Variants in CAB39 observed in about 807,000 individuals in gnomAD.
The protein encoded by CAB39 is calcium binding protein 39.
Under a neutral mutation model 40.0 loss-of-function variants are expected in CAB39, and 8 were observed. That is an observed-to-expected ratio of 0.20 (90% CI 0.12 to 0.36). The LOEUF (loss-of-function observed/expected upper bound fraction) is 0.36. Ranked by LOEUF, CAB39 falls within the 10% of genes least tolerant of loss-of-function variation. The pLI, the probability that CAB39 is intolerant of heterozygous loss-of-function variation, is 1.00. For synonymous variants in CAB39, 156 were observed against 141.6 expected (o/e 1.10, Z -0.72); for missense variants, 270 against 401.1 (o/e 0.67, Z 2.79).
intron 8 of CAB39, 76 bp downstream of exon 8, chr2:230,817,973 A>C: frequency 7.6e-7 from 1 of 1,321,558 alleles, no homozygotes; most frequent in Non-Finnish European, 1.1e-6. Context: ...AACGGAAATT[A>C]TTAGCCTCAC....
intron 1 of CAB39, among the ~76,000 whole-genome samples, chr2:230,714,562 G>C (rs1694315408): frequency 6.6e-6 from 1 of 152,208 alleles, no homozygotes. Context: ...CTTTGTATTA[G>C]GCGTATGTAC....
intron 4 of CAB39, among the ~76,000 whole-genome samples, chr2:230,798,285 C>A (rs1016006963): frequency 2.0e-5 from 3 of 152,094 alleles, no homozygotes; most frequent in South Asian, 2.1e-4. Flanking sequence ...GGTATAAATT[C>A]TATATGTTTG....
intron 7 of CAB39, among the ~76,000 whole-genome samples, chr2:230,816,712 G>C (rs746238620): frequency 6.6e-6 from 1 of 152,188 alleles, no homozygotes; most frequent in South Asian, 2.1e-4. Context: ...GCAGATACAG[G>C]CCTGATACGT....
intron 6 of CAB39, among the ~76,000 whole-genome samples, chr2:230,812,841 G>C (rs572232980): frequency 1.3e-5 from 2 of 152,336 alleles, no homozygotes; most frequent in East Asian, 3.9e-4. Context: ...TTCTATGAAA[G>C]CAGCTGTAAA....
intron 5 of CAB39, among the ~76,000 whole-genome samples, chr2:230,808,436 C>A (rs1175828071): frequency 6.6e-6 from 1 of 152,166 alleles, no homozygotes; most frequent in East Asian, 1.9e-4. Context: ...ATAAACACAC[C>A]ACAATAGCAT....
chr2:230,730,709 G>A (rs761227061), intron 1 of CAB39, among the ~76,000 whole-genome samples: 3 of 152,152 alleles, frequency 2.0e-5, no homozygotes, highest in Non-Finnish European at 4.4e-5. Flanking sequence ...CTCCCAAAGT[G>A]CTGGGATTAC....
In CAB39 at chr2:230,760,064, G is replaced by C. The variant is rs748185231; in HGVS notation, c.63G>C (p.Glu21Asp). ...CAGACATTGTGAAGAATCTGAAGGA[G>C]AGCATGGCTGTTCTGGAAAAGCAAG... ...SPADIVKNLK[E>D]SMAVLEKQDI... The change falls in exon 2 of 9, where the codon GAG (glutamate) becomes GAC (aspartate). Residue 21 changes from glutamate to aspartate, a missense_variant. By Grantham distance (45) the Glu-to-Asp change is conservative (BLOSUM62 2). Coordinates refer to ENST00000258418, the MANE Select transcript of CAB39 (RefSeq NM_016289.4). 6.2e-7 allele frequency: 1 copy of C among 1,613,886 alleles called. No homozygotes were observed. Among genetic ancestry groups the C allele is most frequent in the Non-Finnish European group, 8.5e-7 (1 of 1,179,760 alleles).
intron 2 of CAB39, among the ~76,000 whole-genome samples, chr2:230,787,054 A>T (rs1398404229): frequency 6.6e-6 from 1 of 152,208 alleles, no homozygotes; most frequent in South Asian, 2.1e-4. Flanking sequence ...AAGCATTTAG[A>T]AAAGAATGTC....
intron 2 of CAB39, among the ~76,000 whole-genome samples, chr2:230,773,765 T>G (rs1695534609): frequency 6.6e-6 from 1 of 152,114 alleles, no homozygotes; most frequent in Non-Finnish European, 1.5e-5. Context: ...AACAAAAGGA[T>G]TCGAACTGAT....
intron 6 of CAB39, among the ~76,000 whole-genome samples, chr2:230,812,031 G>T (rs759610438): frequency 1.4e-4 from 22 of 152,224 alleles, no homozygotes; most frequent in Non-Finnish European, 2.9e-4. Context: ...TAAAGCCACA[G>T]GTGAGGTTAT....
intron 5 of CAB39, among the ~76,000 whole-genome samples, chr2:230,800,014 C>T (rs146499904): frequency 3.1e-4 from 47 of 151,850 alleles, no homozygotes; most frequent in Admixed American, 5.2e-4. Flanking sequence ...AATGTATACA[C>T]GCACACACAC....
intron 1 of CAB39, among the ~76,000 whole-genome samples, chr2:230,726,328 A>G (rs1694571321): frequency 6.6e-6 from 1 of 150,972 alleles, no homozygotes; most frequent in East Asian, 1.9e-4. Context: ...ATGCCCGGCT[A>G]ATTTTTTGTA....
At chr2:230,776,942 C>T (rs1481190892) in intron 2 of CAB39, among the ~76,000 whole-genome samples, 1 of 152,186 alleles carries the variant, frequency 6.6e-6, no homozygotes, top group Non-Finnish European at 1.5e-5. Context: ...CCGCCTCAGC[C>T]TCTTAAAGTG....
chr2:230,807,187 G>A (rs903263611), intron 5 of CAB39, among the ~76,000 whole-genome samples: 4 of 152,028 alleles, frequency 2.6e-5, no homozygotes, highest in Admixed American at 6.6e-5. Context: ...TGCCCATTAT[G>A]TTCTATTCTG....
chr2:230,765,627 C>T (rs1161634803), intron 2 of CAB39, among the ~76,000 whole-genome samples: 1 of 152,072 alleles, frequency 6.6e-6, no homozygotes, highest in Non-Finnish European at 1.5e-5. Context: ...CTGATGCAAT[C>T]CATATCATCT....
intron 2 of CAB39, among the ~76,000 whole-genome samples, chr2:230,761,579 G>A (rs902379530): frequency 5.3e-5 from 8 of 152,166 alleles, no homozygotes; most frequent in Admixed American, 3.3e-4. Flanking sequence ...TAGTACGGAT[G>A]CTTTCAGGTG....
intron 4 of CAB39, among the ~76,000 whole-genome samples, chr2:230,795,885 T>C (rs1303447008): frequency 1.3e-5 from 2 of 152,214 alleles, no homozygotes; most frequent in Non-Finnish European, 2.9e-5. Context: ...GGCCACTTCC[T>C]TAGATAAGTA....
chr2:230,763,205 C>A (rs74372337), intron 2 of CAB39, among the ~76,000 whole-genome samples: 2,131 of 152,174 alleles, frequency 0.014, 51 homozygotes, highest in African/African-American at 0.047. Flanking sequence ...TGAAAATCTC[C>A]GTGTCTGGCT....
chr2:230,797,659 G>GT (rs1173967271), intron 4 of CAB39, among the ~76,000 whole-genome samples: 1 of 152,166 alleles, frequency 6.6e-6, no homozygotes, highest in Non-Finnish European at 1.5e-5. Context: ...TGGAGGTGGG[G>GT]TTAGTAGTCA....
Sources: allele counts gnomAD v4.1 joint callset (sites outside exome capture counted in the v4.1 genomes callset), GRCh38; gene constraint gnomAD v4.1.1; transcripts MANE v1.5; gene names NCBI Gene and HGNC (gene_info 2026-07-23, HGNC 2026-07-21).